RNGTT: variants seen among roughly 807,000 people sequenced by gnomAD.
RNGTT encodes the protein RNA guanylyltransferase and 5'-phosphatase.
RNGTT carries 33 observed loss-of-function variants against 79.3 expected under a neutral mutation model. The observed-to-expected ratio is 0.42, with a 90% CI of 0.32 to 0.56. The LOEUF is 0.56. RNGTT is among the 20% of genes least tolerant of loss of function. The pLI is 0.17. For synonymous variants in RNGTT, 222 were observed against 235.9 expected (o/e 0.94, Z 0.54); for missense variants, 497 against 739.1 (o/e 0.67, Z 3.80).
At chr6:88,659,840 G>A (rs1412607947) in intron 14 of RNGTT, among the ~76,000 whole-genome samples, 1 of 152,134 alleles carries the variant, frequency 6.6e-6, no homozygotes, top group African/African-American at 2.4e-5. Flanking sequence ...GATTGCCTAG[G>A]CACATAGTCA....
At chr6:88,636,803 T>C (rs1047246513) in intron 14 of RNGTT, among the ~76,000 whole-genome samples, 7 of 151,802 alleles carry the variant, frequency 4.6e-5, no homozygotes, top group African/African-American at 1.7e-4. Flanking sequence ...CTTTTGCTTC[T>C]TCACAGATAA....
At chr6:88,801,415 G>A in intron 12 of RNGTT, 149 bp downstream of exon 12, 1 of 490,528 alleles carries the variant, frequency 2.0e-6, no homozygotes, top group East Asian at 3.1e-5. Context: ...TGAGCAATTT[G>A]TTTTAAGGAA....
At chr6:88,677,979 C>CTTTTTTTTTTTTTTTTTTTT in intron 14 of RNGTT, 1 of 76,330 alleles carries the variant, frequency 1.3e-5, no homozygotes, top group Non-Finnish European at 2.4e-5. Context: ...CTCACATTCA[C>CTTTTTTTTTTTTTTTTTTTT]TTTTTTTTTT....
At position 88,784,540 on chromosome 6, in the gene RNGTT, T is replaced by C. The variant is rs79925176; in HGVS notation, c.1339-14666A>G. On this transcript the variant is annotated intron_variant, in intron 12 of 15. Coordinates refer to ENST00000369485, the MANE Select transcript of RNGTT (RefSeq NM_003800.5). The stretch of plus-strand genomic sequence containing the variant: ...AGGCAGAAGAAATAGCATGTATAAA[T>C]ACATATTCTTTAGAGACTATTTCAG... Among the ~76,000 whole-genome samples the C allele has an allele frequency of 9.0e-3, 1,371 of 152,176 alleles. 20 individuals are homozygous for C. The highest frequency in any genetic ancestry group is 0.031 in the African/African-American group (1,287 of 41,504).
intron 14 of RNGTT, among the ~76,000 whole-genome samples, chr6:88,664,834 C>T (rs959855793): frequency 7.2e-5 from 11 of 152,148 alleles, no homozygotes; most frequent in Admixed American, 6.5e-4. Context: ...CAGTTGGGGG[C>T]AAGGACATTA....
intron 8 of RNGTT, among the ~76,000 whole-genome samples, chr6:88,861,816 AT>A (rs901523331): frequency 2.0e-5 from 3 of 152,148 alleles, no homozygotes; most frequent in African/African-American, 7.2e-5. Flanking sequence ...AAGTTTTTAA[AT>A]TATTCAAAAT....
intron 12 of RNGTT, among the ~76,000 whole-genome samples, chr6:88,795,986 G>T (rs1779589335): frequency 6.6e-6 from 1 of 152,118 alleles, no homozygotes; most frequent in Non-Finnish European, 1.5e-5. Flanking sequence ...GCACATACAA[G>T]AAATGGGAAA....
intron 6 of RNGTT, among the ~76,000 whole-genome samples, chr6:88,901,546 G>C (rs890843095): frequency 8.8e-6 from 1 of 114,270 alleles, no homozygotes; most frequent in Admixed American, 1.2e-4. Flanking sequence ...TCACTCTGTC[G>C]ACCAGGCTGG....
chr6:88,707,043 T>A (rs1776151990), intron 13 of RNGTT, among the ~76,000 whole-genome samples: 1 of 152,222 alleles, frequency 6.6e-6, no homozygotes, highest in South Asian at 2.1e-4. Context: ...AGCTTAGCAT[T>A]GATTATTTGA....
At chr6:88,787,742 T>C (rs576146398) in intron 12 of RNGTT, among the ~76,000 whole-genome samples, 6 of 151,444 alleles carry the variant, frequency 4.0e-5, no homozygotes, top group Middle Eastern at 6.9e-3. Context: ...GATGCCACTG[T>C]AGTGGTTCCA....
chr6:88,853,868 C>CTAA (rs1429315026), intron 8 of RNGTT, 104 bp from the exon 9 acceptor site: 4 of 599,540 alleles, frequency 6.7e-6, no homozygotes, highest in African/African-American at 3.9e-5. Flanking sequence ...CATCTGTAGA[C>CTAA]TAATGTTCAC....
intron 4 of RNGTT, among the ~76,000 whole-genome samples, chr6:88,927,863 CT>C (rs1784373470): frequency 1.3e-5 from 2 of 149,764 alleles, no homozygotes; most frequent in African/African-American, 4.9e-5. Context: ...GAAAAGGAAA[CT>C]TTACATTGCA....
chr6:88,767,361 C>A (rs1288198354), intron 13 of RNGTT, among the ~76,000 whole-genome samples: 6 of 151,948 alleles, frequency 3.9e-5, no homozygotes, highest in African/African-American at 1.4e-4. Context: ...GGATGACAAA[C>A]TACTAAACTG....
At chr6:88,618,514 A>C (rs558748340) in intron 14 of RNGTT, among the ~76,000 whole-genome samples, 3 of 152,300 alleles carry the variant, frequency 2.0e-5, no homozygotes, top group Middle Eastern at 3.4e-3. Context: ...CAGGTCTTCT[A>C]ATCAACTGTT....
intron 13 of RNGTT, among the ~76,000 whole-genome samples, chr6:88,705,349 C>A (rs560940780): frequency 6.6e-6 from 1 of 151,782 alleles, no homozygotes; most frequent in South Asian, 2.1e-4. Context: ...CTAAAACATA[C>A]TTGAGAAATG....
At chr6:88,927,013 T>C (rs759159290) in intron 4 of RNGTT, among the ~76,000 whole-genome samples, 5 of 152,142 alleles carry the variant, frequency 3.3e-5, no homozygotes, top group Non-Finnish European at 7.3e-5. Context: ...GTTTTTCCGT[T>C]AATTATCTAA....
Position 88,612,521 on chromosome 6 carries a change from G to A in RNGTT, c.*198C>T. 3.7e-6 allele frequency: 2 copies of A among 538,370 alleles called. No homozygotes were observed. Among genetic ancestry groups the A allele is most frequent in the Non-Finnish European group, 3.3e-6 (1 of 302,030 alleles). The allele number at this position is 538,370 out of a possible 1,614,324, so 33.3% of individuals were successfully genotyped here. A position where few individuals can be genotyped will look rare whatever the true frequency, so the allele number is the denominator to read the frequency against. Reference sequence around the variant, plus strand: ...AGATAAATAAGATGTTTAAGTCCACGATGTATTGCAGCACTGAGGAAACGA... The same window carrying A: ...AGATAAATAAGATGTTTAAGTCCACAATGTATTGCAGCACTGAGGAAACGA... On this transcript the variant is annotated 3_prime_UTR_variant, in exon 16 of 16. Coordinates refer to ENST00000369485, the MANE Select transcript of RNGTT (RefSeq NM_003800.5).
chr6:88,700,244 C>A (rs181082933), intron 13 of RNGTT, among the ~76,000 whole-genome samples: 1 of 152,142 alleles, frequency 6.6e-6, no homozygotes, highest in African/African-American at 2.4e-5. Context: ...GAAATTGTTA[C>A]AGACTGCCTC....
chr6:88,935,170 C>A (rs934672978), intron 2 of RNGTT, among the ~76,000 whole-genome samples: 9 of 152,102 alleles, frequency 5.9e-5, no homozygotes, highest in Non-Finnish European at 1.0e-4. Flanking sequence ...TTCCCAGCAC[C>A]ATTTATTAAA....
Sources: gnomAD v4.1 joint callset for allele counts (sites outside exome capture counted in the v4.1 genomes callset) on GRCh38, gnomAD v4.1.1 for gene constraint, MANE v1.5 for transcripts, NCBI Gene and HGNC (gene_info 2026-07-23, HGNC 2026-07-21) for gene names.